Variants in TNPO3 observed in about 807,000 individuals in gnomAD.
The protein encoded by TNPO3 is transportin 3.
TNPO3 carries 65 observed loss-of-function variants against 122.8 expected under a neutral mutation model. The ratio of observed to expected loss-of-function variants is 0.53; its 90% CI spans 0.43 to 0.65. The LOEUF is 0.65. TNPO3 is among the 30% of genes least tolerant of loss of function. TNPO3 has a pLI of 0.00. For missense variants in TNPO3, 850 were observed against 1,136.7 expected (o/e 0.75, Z 3.63); for synonymous variants, 372 against 411.2 (o/e 0.90, Z 1.15).
intron 5 of TNPO3, among the ~76,000 whole-genome samples, chr7:129,002,014 T>A (rs2150381643): frequency 6.6e-6 from 1 of 152,354 alleles, no homozygotes; most frequent in Admixed American, 6.5e-5. Context: ...CAAAGGTCTG[T>A]AAAATTTCAG....
At chr7:129,005,768 ATTTCT>A (rs1174878904) in intron 4 of TNPO3, among the ~76,000 whole-genome samples, 8 of 145,158 alleles carry the variant, frequency 5.5e-5, no homozygotes, top group Non-Finnish European at 7.6e-5. Flanking sequence ...AGTTTCAGGT[ATTTCT>A]TTTCTTTTCT....
At chr7:128,986,514 T>A (rs1434165716) in intron 12 of TNPO3, among the ~76,000 whole-genome samples, 1 of 152,240 alleles carries the variant, frequency 6.6e-6, no homozygotes, top group Non-Finnish European at 1.5e-5. Flanking sequence ...CCGCAAGTAG[T>A]ATTAATTAAT....
intron 1 of TNPO3, among the ~76,000 whole-genome samples, chr7:129,044,166 G>C (rs527338787): frequency 4.6e-5 from 7 of 152,338 alleles, no homozygotes; most frequent in African/African-American, 1.4e-4. Flanking sequence ...GACCTCAAGT[G>C]ATCTGCCTGC....
intron 17 of TNPO3, among the ~76,000 whole-genome samples, chr7:128,975,394 G>C (rs1798948367): frequency 6.6e-6 from 1 of 152,206 alleles, no homozygotes; most frequent in South Asian, 2.1e-4. Flanking sequence ...GTGGCTGGAA[G>C]GGAGGGAAAA....
intron 21 of TNPO3, among the ~76,000 whole-genome samples, chr7:128,959,374 G>A (rs760714146): frequency 1.1e-4 from 16 of 152,076 alleles, no homozygotes; most frequent in Non-Finnish European, 2.1e-4. Flanking sequence ...TTTGTTTTCA[G>A]AACAGATAGA....
intron 4 of TNPO3, among the ~76,000 whole-genome samples, chr7:129,006,455 A>G (rs1035053909): frequency 6.6e-6 from 1 of 152,236 alleles, no homozygotes; most frequent in African/African-American, 2.4e-5. Context: ...ACTATAAAAG[A>G]GATAAAACAG....
At chr7:129,027,575 AAAAAAAAAAAAAAAAAC>A (rs1161713033) in intron 1 of TNPO3, among the ~76,000 whole-genome samples, 18 of 137,990 alleles carry the variant, frequency 1.3e-4, no homozygotes, top group Middle Eastern at 3.8e-3. Flanking sequence ...AAAAAAAAAA[AAAAAAAAAAAAAAAAAC>A]AACACAAAAA....
At chr7:128,991,966 G>C (rs1358263939) in intron 10 of TNPO3, 33 bp downstream of exon 10, 18 of 1,437,678 alleles carry the variant, frequency 1.3e-5, no homozygotes, top group Non-Finnish European at 1.7e-5. Flanking sequence ...TTGATATTTA[G>C]AGTTCCCAGC....
rs146623001 is a variant in TNPO3, at chr7:129,032,827, C to T, written c.121-14670G>A. Among the ~76,000 whole-genome samples the T allele has an allele frequency of 1.2e-4, 18 of 152,234 alleles. No homozygotes were observed. The East Asian group carries it at 1.7e-3, about 15-fold the overall frequency. On this transcript the variant is annotated intron_variant, in intron 1 of 22. Transcript: ENST00000265388. ...GTAACCTTCACCAAAATCTCAATGACGTTTTCTGCAAAAAATGGAATTGTT... is the reference window on the plus strand; with the variant it reads ...GTAACCTTCACCAAAATCTCAATGATGTTTTCTGCAAAAAATGGAATTGTT...
At chr7:129,030,854 G>A (rs1805851847) in intron 1 of TNPO3, among the ~76,000 whole-genome samples, 1 of 152,128 alleles carries the variant, frequency 6.6e-6, no homozygotes, top group Admixed American at 6.5e-5. Flanking sequence ...GTGCCCCTTG[G>A]CTGCTAAGCA....
chr7:128,966,219 AT>A (rs1456613193), intron 21 of TNPO3, among the ~76,000 whole-genome samples: 1 of 151,962 alleles, frequency 6.6e-6, no homozygotes, highest in Admixed American at 6.6e-5. Context: ...TTCCTTGTTC[AT>A]CTTTGGGACT....
intron 1 of TNPO3, chr7:129,028,926 C>T (rs572304903): frequency 4.7e-4 from 202 of 430,140 alleles, no homozygotes; most frequent in Middle Eastern, 1.8e-3. Flanking sequence ...TTCACTGCCA[C>T]TTGCTTCCTT....
intron 22 of TNPO3, among the ~76,000 whole-genome samples, chr7:128,956,832 A>G (rs767692211): frequency 6.6e-5 from 10 of 152,214 alleles, no homozygotes; most frequent in Non-Finnish European, 1.5e-4. Context: ...GTTTTAGGAG[A>G]CTGGCACCAC....
chr7:128,999,302 G>A (rs981777400), intron 7 of TNPO3, among the ~76,000 whole-genome samples: 1 of 152,194 alleles, frequency 6.6e-6, no homozygotes, highest in Admixed American at 6.5e-5. Context: ...TTGAGTGTGA[G>A]AGAAAGGGAG....
intron 1 of TNPO3, among the ~76,000 whole-genome samples, chr7:129,044,061 ATGTC>A (rs1266698429): frequency 1.3e-5 from 2 of 152,244 alleles, no homozygotes; most frequent in East Asian, 3.8e-4. Flanking sequence ...TAAATGTAAT[ATGTC>A]TAACTTAAAG....
chr7:128,977,945 G>T (rs1158673378), intron 16 of TNPO3, among the ~76,000 whole-genome samples: 2 of 152,108 alleles, frequency 1.3e-5, no homozygotes, highest in Non-Finnish European at 2.9e-5. Context: ...CTGCACCCTA[G>T]GTGCTCTCCT....
Position 129,011,024 on chromosome 7 carries a change from T to C in TNPO3, c.552+3955A>G, listed in dbSNP as rs1289381222. On this transcript the variant is annotated intron_variant, in intron 4 of 22. Transcript: ENST00000265388. ...AAGGGCGGTATATAGCTAGAACCAT[T>C]ATTAATGTAGAGGAAAGAATTCATT... Among the ~76,000 whole-genome samples the C allele has an allele frequency of 5.3e-5, 8 of 152,210 alleles. No homozygotes were observed. In the East Asian group the frequency reaches 1.5e-3, roughly 29 times the overall value.
At chr7:128,963,947 A>G (rs938762190) in intron 21 of TNPO3, among the ~76,000 whole-genome samples, 10 of 152,318 alleles carry the variant, frequency 6.6e-5, no homozygotes, top group African/African-American at 2.2e-4. Flanking sequence ...TCCTAGTCTC[A>G]CTTATATATC....
chr7:128,961,157 AT>A (rs1797413785), intron 21 of TNPO3, among the ~76,000 whole-genome samples: 1 of 152,170 alleles, frequency 6.6e-6, no homozygotes. Context: ...GTATACGGTA[AT>A]GTCCTAGGCC....
Sources: gnomAD v4.1 joint callset for allele counts (sites outside exome capture counted in the v4.1 genomes callset) on GRCh38, gnomAD v4.1.1 for gene constraint, MANE v1.5 for transcripts, NCBI Gene and HGNC (gene_info 2026-07-23, HGNC 2026-07-21) for gene names.